Variants in LRCH3 observed in about 807,000 individuals in gnomAD.
The protein encoded by LRCH3 is DISP complex protein LRCH3.
Under a neutral mutation model 104.5 loss-of-function variants are expected in LRCH3, and 68 were observed. The ratio of observed to expected loss-of-function variants is 0.65; its 90% CI spans 0.54 to 0.80. LRCH3 has a LOEUF of 0.80. LRCH3 is among the 30% of genes least tolerant of loss of function. LRCH3 has a pLI of 0.00. For missense variants in LRCH3, 951 were observed against 953.9 expected (o/e 1.00, Z 0.04); for synonymous variants, 344 against 361.3 (o/e 0.95, Z 0.54).
At chr3:197,882,701 C>T (rs931552896) in intron 20 of LRCH3, 24 of 985,112 alleles carry the variant, frequency 2.4e-5, no homozygotes, top group Non-Finnish European at 2.8e-5. Context: ...GCCTTTTTCT[C>T]TCACAAGAAA....
At chr3:197,853,841 T>C (rs1442408842) in intron 13 of LRCH3, among the ~76,000 whole-genome samples, 1 of 152,214 alleles carries the variant, frequency 6.6e-6, no homozygotes, top group Non-Finnish European at 1.5e-5. Context: ...TACTAACACA[T>C]TTTCGACAAC....
chr3:197,829,711 G>A, intron 6 of LRCH3, 38 bp downstream of exon 6: 2 of 1,403,758 alleles, frequency 1.4e-6, no homozygotes, highest in Non-Finnish European at 9.9e-7. Context: ...CATATTTTTT[G>A]TACAGAGAAT....
rs1740270819 is a variant in LRCH3, at chr3:197,856,547, G to A, written c.1644+2102G>A. Among the ~76,000 whole-genome samples the A allele has an allele frequency of 6.6e-6, 1 of 151,890 alleles. No individual in the cohort carries two copies. Among genetic ancestry groups the A allele is most frequent in the South Asian group, 2.1e-4 (1 of 4,812 alleles). ...GACTACGGGTGCATGCACCACACGTGGCTAATTTTTTTATTTTTTTGTAGA... is the reference window on the plus strand; with the variant it reads ...GACTACGGGTGCATGCACCACACGTAGCTAATTTTTTTATTTTTTTGTAGA... On this transcript the variant is annotated intron_variant, in intron 14 of 20. Coordinates refer to ENST00000425562, the MANE Select transcript of LRCH3 (RefSeq NM_001365715.1). The surrounding 1 kb of genome is among the most constrained non-coding windows in gnomAD (Gnocchi z 4.2).
intron 10 of LRCH3, among the ~76,000 whole-genome samples, chr3:197,841,266 C>G (rs1181546025): frequency 6.6e-6 from 1 of 152,054 alleles, no homozygotes; most frequent in African/African-American, 2.4e-5. Flanking sequence ...GTTACCGGTC[C>G]CCATTACTGA....
At chr3:197,872,083 C>T (rs550513832) in intron 19 of LRCH3, among the ~76,000 whole-genome samples, 1 of 152,098 alleles carries the variant, frequency 6.6e-6, no homozygotes, top group Non-Finnish European at 1.5e-5. Context: ...CTAGGCTGGG[C>T]GCGGTGGCTC....
intron 13 of LRCH3, among the ~76,000 whole-genome samples, chr3:197,853,218 C>G (rs577115690): frequency 6.6e-6 from 1 of 151,670 alleles, no homozygotes; most frequent in African/African-American, 2.4e-5. Flanking sequence ...GAGACAGAGT[C>G]TCACTTTGTC....
intron 19 of LRCH3, among the ~76,000 whole-genome samples, chr3:197,873,533 G>T (rs1487702441): frequency 6.6e-6 from 1 of 152,024 alleles, no homozygotes; most frequent in East Asian, 1.9e-4. Context: ...ACCTGTGGCT[G>T]GGAGTTTAAG....
chr3:197,870,109 C>T, intron 17 of LRCH3, 51 bp from the exon 18 acceptor site: 1 of 1,592,300 alleles, frequency 6.3e-7, no homozygotes, highest in Non-Finnish European at 8.6e-7. Flanking sequence ...GCCGGATGTT[C>T]TCCTAGCACT....
At chr3:197,861,485 GACC>G (rs1740873376) in intron 15 of LRCH3, among the ~76,000 whole-genome samples, 2 of 152,136 alleles carry the variant, frequency 1.3e-5, no homozygotes, top group Admixed American at 1.3e-4. Context: ...GGTCCAGACA[GACC>G]ACAGTGTCTT....
rs148451710 is a variant in LRCH3, at chr3:197,791,488, G to A, written c.210G>A (p.Arg70=). The A allele has an allele frequency of 1.8e-5, 29 of 1,601,978 alleles. 1 individual carries two copies. In the African/African-American group the frequency reaches 2.6e-4, roughly 14 times the overall value. ...TGAGCCTGAGCGGCCGGAAACTGAG[G>A]GAGTTTCCCCGGGGAGCGGCCAACC... The part of the protein sequence containing the change: ...GVLSLSGRKL[R]EFPRGAANHD... Residue 70 remains arginine, a synonymous_variant, in exon 1 of 21, where the codon AGG becomes AGA. Transcript: ENST00000425562.
chr3:197,843,762 C>A (rs1246067787), intron 10 of LRCH3, among the ~76,000 whole-genome samples: 4 of 152,152 alleles, frequency 2.6e-5, no homozygotes, highest in African/African-American at 9.6e-5. Context: ...AAAGGAGATA[C>A]ATACATGTTA....
At chr3:197,794,015 A>G (rs1054300955) in intron 1 of LRCH3, among the ~76,000 whole-genome samples, 2 of 152,246 alleles carry the variant, frequency 1.3e-5, no homozygotes, top group African/African-American at 2.4e-5. Context: ...AATGCACACA[A>G]TAATTTGTGG....
At chr3:197,853,616 G>A (rs1739914854) in intron 13 of LRCH3, among the ~76,000 whole-genome samples, 1 of 152,182 alleles carries the variant, frequency 6.6e-6, no homozygotes, top group South Asian at 2.1e-4. Context: ...GGCTTTACAA[G>A]CAACAATTTT....
chr3:197,838,951 G>A (rs950455181), intron 9 of LRCH3, among the ~76,000 whole-genome samples: 1 of 152,184 alleles, frequency 6.6e-6, no homozygotes, highest in Admixed American at 6.5e-5. Context: ...AAATGTTAGG[G>A]TAGGGTAGGT....
At position 197,854,025 on chromosome 3, in the gene LRCH3, G is replaced by C. The variant is rs1430969749; in HGVS notation, c.1591-367G>C. On this transcript the variant is annotated intron_variant, in intron 13 of 20. Transcript: ENST00000425562. This position sits in a 1 kb window ranked among gnomAD's most constrained non-coding sequence, Gnocchi z 4.5. Reference sequence around the variant, plus strand: ...TTTTGCTTAAGAAAGAAAATGAAGAGATACTTAGACTAGAAATTATGACTC... The same window carrying C: ...TTTTGCTTAAGAAAGAAAATGAAGACATACTTAGACTAGAAATTATGACTC... Among the ~76,000 whole-genome samples the C allele has an allele frequency of 2.0e-5, 3 of 152,178 alleles. No individual in the cohort carries two copies. Among genetic ancestry groups the C allele is most frequent in the Non-Finnish European group, 2.9e-5 (2 of 68,036 alleles).
intron 1 of LRCH3, among the ~76,000 whole-genome samples, chr3:197,806,260 A>T (rs1041617905): frequency 6.6e-6 from 1 of 152,006 alleles, no homozygotes; most frequent in Non-Finnish European, 1.5e-5. Flanking sequence ...ACTAAATACT[A>T]CTAGATAGTT....
intron 2 of LRCH3, among the ~76,000 whole-genome samples, chr3:197,816,556 A>G (rs1338632052): frequency 6.6e-6 from 1 of 152,222 alleles, no homozygotes; most frequent in Non-Finnish European, 1.5e-5. Flanking sequence ...CTGGGATTAC[A>G]GACGTGAGCC....
chr3:197,873,225 T>G (rs76003774), intron 19 of LRCH3, among the ~76,000 whole-genome samples: 19,182 of 152,168 alleles, frequency 0.13, 1,344 homozygotes, highest in African/African-American at 0.19. Flanking sequence ...CGAACACTAT[T>G]AAAGTCTGCA....
chr3:197,873,602 C>T (rs1337671380), intron 19 of LRCH3, among the ~76,000 whole-genome samples: 3 of 152,086 alleles, frequency 2.0e-5, no homozygotes, highest in South Asian at 2.1e-4. Flanking sequence ...AAAAATTAGG[C>T]GTGCACCTGC....
Sources: allele counts gnomAD v4.1 joint callset (sites outside exome capture counted in the v4.1 genomes callset), GRCh38; gene constraint gnomAD v4.1.1; non-coding constraint Gnocchi (gnomAD v3.1); transcripts MANE v1.5; gene names NCBI Gene and HGNC (gene_info 2026-07-23, HGNC 2026-07-21).